Variants in RRP12 observed in about 807,000 individuals in gnomAD.
RRP12 encodes the protein ribosomal RNA processing 12 homolog.
RRP12 carries 78 observed loss-of-function variants against 157.3 expected under a neutral mutation model. The observed-to-expected ratio is 0.50, with a 90% CI of 0.41 to 0.60. The LOEUF (loss-of-function observed/expected upper bound fraction) is 0.60. Ranked by LOEUF, RRP12 falls within the 20% of genes least tolerant of loss-of-function variation. The pLI is 0.00. For missense variants in RRP12, 1,521 were observed against 1,679.9 expected (o/e 0.91, Z 1.65); for synonymous variants, 726 against 670.9 (o/e 1.08, Z -1.27).
In RRP12 at chr10:97,370,724, T is replaced by G. The variant is rs774956660; in HGVS notation, c.2575A>C (p.Ile859Leu). 6.2e-7 allele frequency: 1 copy of G among 1,613,924 alleles called. No individual in the cohort carries two copies. The highest frequency in any genetic ancestry group is 8.5e-7 in the Non-Finnish European group (1 of 1,179,890). ...CACACCCGCACACTCACCTCTGGGATGAGGGCAGTGATGAACTCCTTGTGT... is the reference window on the plus strand; with the variant it reads ...CACACCCGCACACTCACCTCTGGGAGGAGGGCAGTGATGAACTCCTTGTGT... ...AEHKEFITALIPEVILCTKEV... is the reference protein window; with the variant it reads ...AEHKEFITALLPEVILCTKEV... The change falls in exon 22 of 34, where the codon ATC becomes CTC. Residue 859 changes from isoleucine to leucine, a missense_variant. Transcript: ENST00000370992.
chr10:97,393,793 A>T, intron 3 of RRP12, 33 bp from the exon 4 acceptor site: 1 of 1,567,698 alleles, frequency 6.4e-7, no homozygotes, highest in East Asian at 2.2e-5. Context: ...TTGAATGGAT[A>T]AAAACTTACA....
rs766267847 is a variant in RRP12 at position 97,400,332 on chromosome 10, CCAGAAGCGCTG to C, written c.331_341del (p.Gln111GlyfsTer19). 2 of 1,614,024 alleles carry C rather than the reference CCAGAAGCGCTG, an allele frequency of 1.2e-6. No homozygotes were observed. Among genetic ancestry groups the C allele is most frequent in the Non-Finnish European group, 1.7e-6 (2 of 1,180,012 alleles). ...CCTTGTGGGCAGCCGAGTTGGACTC[CCAGAAGCGCTG>C]TACTTTGCTGAAGGTGACGTTTGTG... is the stretch of plus-strand genomic sequence containing the variant. On this transcript the variant is annotated frameshift_variant, in exon 2 of 34. Coordinates refer to ENST00000370992, the MANE Select transcript of RRP12 (RefSeq NM_015179.4). LOFTEE classifies it high-confidence loss of function.
intron 28 of RRP12, 71 bp from the exon 29 acceptor site, chr10:97,366,304 A>C (rs1843977933): frequency 4.4e-6 from 7 of 1,586,388 alleles, no homozygotes; most frequent in Non-Finnish European, 6.0e-6. Context: ...CATGACCAAC[A>C]AGCCCGGCTC....
chr10:97,385,522 C>A lies in RRP12; in HGVS notation c.1117-265G>T, dbSNP rs1341797119. ...TTGTGAGTCTGACAAAAGCCAGAGG[C>A]CTTCTTTGAAAAAAAAAAACGTACA... On this transcript the variant is annotated intron_variant, in intron 9 of 33. Transcript: ENST00000370992. Among the ~76,000 whole-genome samples the A allele has an allele frequency of 2.8e-5, 4 of 143,172 alleles. No homozygotes were observed. In the South Asian group the frequency reaches 7.2e-4, roughly 26 times the overall value. 93.9% of individuals were successfully genotyped at this position (143,172 alleles called of 152,430 possible).
In RRP12 at chr10:97,370,578, A is replaced by G. The variant is rs1173382337; in HGVS notation, c.2584-18T>C. On this transcript the variant is annotated intron_variant, in intron 22 of 33. Coordinates refer to ENST00000370992, the MANE Select transcript of RRP12 (RefSeq NM_015179.4). ...AGGATCACCTGGCCAAGACAACTCC[A>G]TCAGCATCTGCTCCCTGAGCCATCT... is the stretch of plus-strand genomic sequence containing the variant. 1.9e-6 allele frequency: 3 copies of G among 1,603,692 alleles called. No individual in the cohort carries two copies. The highest frequency in any genetic ancestry group is 3.4e-5 in the Admixed American group (2 of 59,574).
chr10:97,373,933 C>G, intron 15 of RRP12, 39 bp from the exon 16 acceptor site: 1 of 1,585,966 alleles, frequency 6.3e-7, no homozygotes, highest in Non-Finnish European at 8.6e-7. Flanking sequence ...AGCCCAGCAC[C>G]CTCCTGGCCA....
rs371187603 is a variant in RRP12 at position 97,366,708 on chromosome 10, G to A, written c.3215+34C>T. The A allele has an allele frequency of 1.6e-5, 26 of 1,603,700 alleles. No individual in the cohort carries two copies. In the African/African-American group the frequency reaches 3.1e-4, roughly 19 times the overall value. ...CCTGGGCAGGCCCTTGGGTTGGGGG[G>A]ACACCGGGTCCCATGGCCCTAACAT... On this transcript the variant is annotated intron_variant, in intron 27 of 33. Transcript: ENST00000370992.
rs187663183 is a variant in RRP12, at chr10:97,393,715, C to T, written c.499G>A (p.Val167Ile). 526 of 1,614,030 alleles carry T rather than the reference C, an allele frequency of 3.3e-4. 1 individual carries two copies. Among genetic ancestry groups the T allele is most frequent in the Middle Eastern group, 1.7e-4 (1 of 6,052 alleles). The stretch of plus-strand genomic sequence containing the variant: ...AGGACAAGGTTCAGCAGGTAAGCAA[C>T]GGCGGCCAGGGACTCCGGGGACTCC... The part of the protein sequence containing the change: ...AVESPESLAA[V>I]AYLLNLVLKR... Residue 167 changes from valine (V) to isoleucine (I), a missense_variant, in exon 4 of 34, where the codon GTT (valine) becomes ATT (isoleucine). Transcript: ENST00000370992.
chr10:97,366,135 T>G lies in RRP12; in HGVS notation c.3490A>C (p.Lys1164Gln), dbSNP rs1325650082. ...LIIREEADGN[K>Q]MEEEEGAKGE... ...TTGGCACCTTCCTCTTCCTCCATCTTGTTGCCGTCTGCCTCCTCCCTTATG... is the reference window on the plus strand; with the variant it reads ...TTGGCACCTTCCTCTTCCTCCATCTGGTTGCCGTCTGCCTCCTCCCTTATG... Residue 1164 changes from lysine to glutamine, a missense_variant, in exon 29 of 34, where the codon AAG becomes CAG. Physicochemically the swap from Lys to Gln is moderately conservative, Grantham distance 53. Coordinates refer to ENST00000370992, the MANE Select transcript of RRP12 (RefSeq NM_015179.4). 1 of 1,603,954 alleles carries G rather than the reference T, an allele frequency of 6.2e-7. No homozygotes were observed. Among genetic ancestry groups the G allele is most frequent in the Non-Finnish European group, 8.5e-7 (1 of 1,179,644 alleles).
At chr10:97,380,179 T>C (rs964362201) in intron 13 of RRP12, among the ~76,000 whole-genome samples, 1 of 152,188 alleles carries the variant, frequency 6.6e-6, no homozygotes, top group South Asian at 2.1e-4. Context: ...AAAGCCAAAC[T>C]GGTCAACCTA....
chr10:97,357,647 T>C (rs915613667), intron 33 of RRP12, among the ~76,000 whole-genome samples: 1 of 152,056 alleles, frequency 6.6e-6, no homozygotes, highest in Admixed American at 6.6e-5. Context: ...GAAAAGCAAA[T>C]TATACAAAGC....
intron 1 of RRP12, 141 bp downstream of exon 1, chr10:97,400,950 CAG>C: frequency 3.9e-6 from 4 of 1,038,062 alleles, no homozygotes; most frequent in Non-Finnish European, 2.7e-6. Context: ...GACTGCCCTT[CAG>C]AGAGGGCTCC....
chr10:97,362,315 T>C (rs1843866255), intron 30 of RRP12, among the ~76,000 whole-genome samples: 1 of 151,492 alleles, frequency 6.6e-6, no homozygotes, highest in Admixed American at 6.6e-5. Flanking sequence ...GGGAGAGGAG[T>C]AGGCTGCCGA....
chr10:97,369,143 C>T (rs568817747), intron 25 of RRP12, among the ~76,000 whole-genome samples: 3 of 152,150 alleles, frequency 2.0e-5, no homozygotes, highest in Non-Finnish European at 2.9e-5. Flanking sequence ...CCCAGTTTCT[C>T]CATCTGTAAA....
chr10:97,371,959 G>A lies in RRP12; in HGVS notation c.2343+114C>T, dbSNP rs540857480. ...AGCCACTGCAGGAGAAAGCAGACAGGGACCTGATCTCGGGAAGCAGCAAGG... is the reference window on the plus strand; with the variant it reads ...AGCCACTGCAGGAGAAAGCAGACAGAGACCTGATCTCGGGAAGCAGCAAGG... On this transcript the variant is annotated intron_variant, in intron 20 of 33. Coordinates refer to ENST00000370992, the MANE Select transcript of RRP12 (RefSeq NM_015179.4). 7 of 672,312 alleles carry A rather than the reference G, an allele frequency of 1.0e-5. No homozygotes were observed. The Admixed American group carries it at 1.3e-4, about 13-fold the overall frequency. 41.6% of individuals were successfully genotyped at this position (672,312 alleles called of 1,614,324 possible). A position where few individuals can be genotyped will look rare whatever the true frequency, so the allele number is the denominator to read the frequency against.
rs774459555 is a variant in RRP12, at chr10:97,369,522, G to T, written c.2858C>A (p.Ser953Tyr). The T allele has an allele frequency of 6.3e-7, 1 of 1,597,150 alleles. No homozygotes were observed. ...AGACTTGACCACGTCACGGGTGCGGGAGGCCAGAAGCAGGCACACATTCTC... is the reference window on the plus strand; with the variant it reads ...AGACTTGACCACGTCACGGGTGCGGTAGGCCAGAAGCAGGCACACATTCTC... Reference protein sequence around the residue: ...LLENVCLLLASRTRDVVKSAL... With the variant: ...LLENVCLLLAYRTRDVVKSAL... The change falls in exon 25 of 34, where the codon TCC becomes TAC. Residue 953 changes from serine to tyrosine, a missense_variant. Transcript: ENST00000370992.
At chr10:97,388,463 A>C (rs1218320088) in intron 7 of RRP12, 26 bp downstream of exon 7, 1 of 1,613,250 alleles carries the variant, frequency 6.2e-7, no homozygotes, top group Non-Finnish European at 8.5e-7. Flanking sequence ...CCTCCCATCC[A>C]CCTGCCCTCC....
At position 97,388,598 on chromosome 10, in the gene RRP12, T is replaced by C; in HGVS notation, c.780A>G (p.Val260=). 6.2e-7 allele frequency: 1 copy of C among 1,614,218 alleles called. No homozygotes were observed. The highest frequency in any genetic ancestry group is 8.5e-7 in the Non-Finnish European group (1 of 1,180,036). The change falls in exon 7 of 34, where the codon GTA becomes GTG. Residue 260 remains valine (V), a synonymous_variant. Coordinates refer to ENST00000370992, the MANE Select transcript of RRP12 (RefSeq NM_015179.4). ...PKIRKAAQHG[V]CSVLKGSEFM... ...ATTCACTGCCCTTGAGGACTGAGCATACTCCATGCTGGGCAGCCTTCCGGA... is the reference window on the plus strand; with the variant it reads ...ATTCACTGCCCTTGAGGACTGAGCACACTCCATGCTGGGCAGCCTTCCGGA...
intron 20 of RRP12, chr10:97,371,476 G>A (rs371107145): frequency 2.2e-5 from 5 of 227,388 alleles, no homozygotes; most frequent in Admixed American, 1.0e-4. Flanking sequence ...AACCCCCAAC[G>A]CCGGACACCT....
Sources: gnomAD v4.1 joint callset for allele counts (sites outside exome capture counted in the v4.1 genomes callset) on GRCh38, gnomAD v4.1.1 for gene constraint, MANE v1.5 for transcripts, NCBI Gene and HGNC (gene_info 2026-07-23, HGNC 2026-07-21) for gene names.